MYO1D: variants seen among roughly 807,000 people sequenced by gnomAD.
The protein encoded by MYO1D is unconventional myosin-Id.
MYO1D carries 83 observed loss-of-function variants against 122.0 expected under a neutral mutation model. The ratio of observed to expected loss-of-function variants is 0.68; its 90% CI spans 0.57 to 0.82. The LOEUF is 0.82. Among genes scored for constraint, MYO1D ranks in the 40% least tolerant of loss-of-function variants. The pLI is 0.00. For missense variants in MYO1D, 1,157 were observed against 1,269.5 expected (o/e 0.91, Z 1.35); for synonymous variants, 464 against 446.9 (o/e 1.04, Z -0.48).
In MYO1D at chr17:32,830,558, A is replaced by G. The variant is rs1282145425; in HGVS notation, c.95+46220T>C. Among the ~76,000 whole-genome samples, 3 of 152,210 alleles carry G rather than the reference A, an allele frequency of 2.0e-5. No homozygotes were observed. In the East Asian group the frequency reaches 5.8e-4, roughly 29 times the overall value. ...AAATAAGATGTTAAAAACACAGTAA[A>G]TGAAAGGATACAGTGTTGTACTGCT... On this transcript the variant is annotated intron_variant, in intron 1 of 21. Coordinates refer to ENST00000318217, the MANE Select transcript of MYO1D (RefSeq NM_015194.3).
chr17:32,593,773 T>A (rs532988044), intron 21 of MYO1D, among the ~76,000 whole-genome samples: 3 of 152,114 alleles, frequency 2.0e-5, no homozygotes, highest in East Asian at 1.9e-4. Context: ...CCATCTCTAC[T>A]AAAAGCACAA....
At chr17:32,768,106 C>T (rs1327211714) in intron 6 of MYO1D, among the ~76,000 whole-genome samples, 1 of 152,202 alleles carries the variant, frequency 6.6e-6, no homozygotes. Flanking sequence ...AATGTGGGAG[C>T]CTCCAAGATA....
intron 16 of MYO1D, among the ~76,000 whole-genome samples, chr17:32,662,221 A>C (rs76197589): frequency 0.017 from 2,643 of 152,284 alleles, 53 homozygotes; most frequent in African/African-American, 0.058. Context: ...AGCTTTCAAG[A>C]AAAGGTGTAT....
intron 3 of MYO1D, among the ~76,000 whole-genome samples, chr17:32,777,926 T>A (rs746477384): frequency 1.6e-4 from 25 of 151,926 alleles, no homozygotes; most frequent in Non-Finnish European, 3.4e-4. Flanking sequence ...AGAGCGAGAC[T>A]CCATCTCAAA....
intron 1 of MYO1D, among the ~76,000 whole-genome samples, chr17:32,838,166 T>TA (rs1052637244): frequency 7.2e-5 from 11 of 152,228 alleles, no homozygotes; most frequent in East Asian, 5.8e-4. Context: ...TTCTTAAAAT[T>TA]AAAAAAATTA....
intron 21 of MYO1D, among the ~76,000 whole-genome samples, chr17:32,528,505 T>G (rs529302304): frequency 6.6e-6 from 1 of 152,174 alleles, no homozygotes; most frequent in South Asian, 2.1e-4. Context: ...GGAAGGGTAG[T>G]GTGTGATGCT....
chr17:32,725,415 G>C (rs534386080), intron 14 of MYO1D, among the ~76,000 whole-genome samples: 4 of 152,240 alleles, frequency 2.6e-5, no homozygotes, highest in African/African-American at 7.2e-5. Flanking sequence ...AGTTTACTCA[G>C]GAGGCTGAGG....
intron 16 of MYO1D, among the ~76,000 whole-genome samples, chr17:32,692,693 C>T (rs571607755): frequency 7.2e-5 from 11 of 152,120 alleles, no homozygotes; most frequent in African/African-American, 1.9e-4. Context: ...AAAGGACAGC[C>T]GGGCAACAGG....
chr17:32,507,893 T>A (rs901275339), intron 21 of MYO1D, among the ~76,000 whole-genome samples: 2 of 61,968 alleles, frequency 3.2e-5, no homozygotes, highest in Non-Finnish European at 5.8e-5. Context: ...CATGCTGGAC[T>A]TTTTTTTTTT....
chr17:32,710,640 G>A (rs1020383562), intron 16 of MYO1D, among the ~76,000 whole-genome samples: 2 of 152,134 alleles, frequency 1.3e-5, no homozygotes, highest in Admixed American at 6.5e-5. Flanking sequence ...TATGGATAAA[G>A]TTCATTAGAA....
At chr17:32,618,315 C>T (rs546794534) in intron 20 of MYO1D, among the ~76,000 whole-genome samples, 1 of 152,256 alleles carries the variant, frequency 6.6e-6, no homozygotes, top group East Asian at 1.9e-4. Context: ...AAGTTTATAT[C>T]ATTGATTGAC....
At chr17:32,827,778 G>A (rs2090736177) in intron 1 of MYO1D, among the ~76,000 whole-genome samples, 1 of 151,930 alleles carries the variant, frequency 6.6e-6, no homozygotes, top group Admixed American at 6.6e-5. Context: ...TGTACACAAG[G>A]AATTGTCTTT....
At chr17:32,866,877 A>C (rs2091130001) in intron 1 of MYO1D, among the ~76,000 whole-genome samples, 6 of 152,188 alleles carry the variant, frequency 3.9e-5, no homozygotes, top group Admixed American at 3.9e-4. Context: ...GACTATCTCT[A>C]CTTCAACAAG....
At chr17:32,866,349 G>A (rs929262139) in intron 1 of MYO1D, among the ~76,000 whole-genome samples, 1 of 152,156 alleles carries the variant, frequency 6.6e-6, no homozygotes, top group African/African-American at 2.4e-5. Flanking sequence ...TTTTAATTGA[G>A]CAAAGTTTTC....
At chr17:32,513,438 G>A (rs972937832) in intron 21 of MYO1D, among the ~76,000 whole-genome samples, 4 of 152,176 alleles carry the variant, frequency 2.6e-5, no homozygotes, top group Non-Finnish European at 4.4e-5. Context: ...GGTGGAAAGA[G>A]AGAATGAGTT....
rs369347923 is a variant in MYO1D, at chr17:32,567,761, G to C, written c.2864+37326C>G. Among the ~76,000 whole-genome samples, 4 of 152,184 alleles carry C rather than the reference G, an allele frequency of 2.6e-5. No homozygotes were observed. The East Asian group carries it at 7.7e-4, about 29-fold the overall frequency. On this transcript the variant is annotated intron_variant, in intron 21 of 21. Coordinates refer to ENST00000318217, the MANE Select transcript of MYO1D (RefSeq NM_015194.3). ...TGGAAGAAGGGAGCATATGTGCACA[G>C]AAGGACACCTACAGGAAGCATCTTA... is the stretch of plus-strand genomic sequence containing the variant.
intron 21 of MYO1D, among the ~76,000 whole-genome samples, chr17:32,564,265 G>A (rs2087152227): frequency 2.0e-5 from 3 of 152,204 alleles, no homozygotes; most frequent in African/African-American, 4.8e-5. Flanking sequence ...TGAGAAGGGG[G>A]CTGTCAACTA....
intron 1 of MYO1D, among the ~76,000 whole-genome samples, chr17:32,821,653 C>G (rs1182357402): frequency 6.6e-6 from 1 of 152,002 alleles, no homozygotes; most frequent in Admixed American, 6.6e-5. Context: ...TAAATTCAAA[C>G]TACCAAATTC....
chr17:32,763,185 C>CAA (rs72030561), intron 8 of MYO1D, among the ~76,000 whole-genome samples: 2 of 134,140 alleles, frequency 1.5e-5, no homozygotes, highest in African/African-American at 2.7e-5. Flanking sequence ...GACTCCATCT[C>CAA]AAAAAAAAAA....
Sources: gnomAD v4.1 joint callset for allele counts (sites outside exome capture counted in the v4.1 genomes callset) on GRCh38, gnomAD v4.1.1 for gene constraint, MANE v1.5 for transcripts, NCBI Gene and HGNC (gene_info 2026-07-23, HGNC 2026-07-21) for gene names.